Variants in P2RY2 observed in about 807,000 individuals in gnomAD.
P2RY2 encodes P2Y purinoceptor 2.
For missense variants in P2RY2, 567 were observed against 515.7 expected (o/e 1.10, Z -0.96); for synonymous variants, 241 against 231.9 (o/e 1.04, Z -0.35).
intron 1 of P2RY2, among the ~76,000 whole-genome samples, chr11:73,227,380 C>T (rs892484165): frequency 6.6e-6 from 1 of 151,778 alleles, no homozygotes; most frequent in African/African-American, 2.4e-5. Context: ...CCGTTTGCGT[C>T]CACTGCATGT....
rs1862543823 is a variant in P2RY2, at chr11:73,234,199, G to C, written c.40G>C (p.Gly14Arg). The C allele has an allele frequency of 6.2e-7, 1 of 1,613,604 alleles. No individual in the cohort carries two copies. The highest frequency in any genetic ancestry group is 2.2e-5 in the East Asian group (1 of 44,882). Reference sequence around the variant, plus strand: ...GGGCCCCTGGAATGACACCATCAATGGCACCTGGGATGGGGATGAGCTGGG... The same window carrying C: ...GGGCCCCTGGAATGACACCATCAATCGCACCTGGGATGGGGATGAGCTGGG... The part of the protein sequence containing the change: ...DLGPWNDTIN[G>R]TWDGDELGYR... Residue 14 changes from glycine to arginine, a missense_variant, in exon 3 of 3, where the codon GGC (glycine) becomes CGC (arginine). Coordinates refer to ENST00000393597, the MANE Select transcript of P2RY2 (RefSeq NM_002564.4).
At chr11:73,233,818 T>C (rs1862531419) in intron 2 of P2RY2, among the ~76,000 whole-genome samples, 2 of 152,188 alleles carry the variant, frequency 1.3e-5, no homozygotes, top group Admixed American at 1.3e-4. Context: ...AGATAGTGAA[T>C]ATTTTAGACT....
chr11:73,222,057 G>T (rs1476009588), intron 1 of P2RY2, among the ~76,000 whole-genome samples: 1 of 152,170 alleles, frequency 6.6e-6, no homozygotes, highest in African/African-American at 2.4e-5. Flanking sequence ...TGGTAGGAGG[G>T]TGAGCAGCCT....
chr11:73,220,572 G>C (rs1011854048), intron 1 of P2RY2, among the ~76,000 whole-genome samples: 1 of 152,212 alleles, frequency 6.6e-6, no homozygotes. Context: ...CCAGCTGGTT[G>C]AATGACCAGT....
rs909429130 is a variant in P2RY2 at position 73,239,203 on chromosome 11, T to C, written c.*3910T>C. ...TAGTACGTAACCACATTGGGATACA[T>C]GTTTTGAAGGAGAGGACAGTGTGTC... On this transcript the variant is annotated 3_prime_UTR_variant, in exon 3 of 3. Transcript: ENST00000393597. 6.6e-6 allele frequency: 1 copy of C among 152,188 alleles called. No individual in the cohort carries two copies. Among genetic ancestry groups the C allele is most frequent in the African/African-American group, 2.4e-5 (1 of 41,436 alleles). 9.4% of individuals were successfully genotyped at this position (152,188 alleles called of 1,614,324 possible). A position where few individuals can be genotyped will look rare whatever the true frequency, so the allele number is the denominator to read the frequency against.
chr11:73,238,635 G>C lies in P2RY2; in HGVS notation c.*3342G>C, dbSNP rs1344578398. Among the ~76,000 whole-genome samples, 1 of 152,202 alleles carries C rather than the reference G, an allele frequency of 6.6e-6. No homozygotes were observed. The highest frequency in any genetic ancestry group is 1.5e-5 in the Non-Finnish European group (1 of 68,034). On this transcript the variant is annotated 3_prime_UTR_variant, in exon 3 of 3. Transcript: ENST00000393597. Reference sequence around the variant, plus strand: ...CTCTCATCTATGTTATATGGTGGATGCTTCACAGAAGCCCTGGGAAGTAGA... The same window carrying C: ...CTCTCATCTATGTTATATGGTGGATCCTTCACAGAAGCCCTGGGAAGTAGA...
intron 1 of P2RY2, 69 bp from the exon 2 acceptor site, chr11:73,227,912 G>C (rs1222990913): frequency 2.6e-5 from 4 of 152,194 alleles, no homozygotes; most frequent in African/African-American, 9.7e-5. Context: ...GGTGGCCCTG[G>C]GGGGGATTGA....
Position 73,238,282 on chromosome 11 carries a change from A to G in P2RY2, c.*2989A>G, listed in dbSNP as rs1862701390. Among the ~76,000 whole-genome samples, 1 of 152,100 alleles carries G rather than the reference A, an allele frequency of 6.6e-6. No individual in the cohort carries two copies. On this transcript the variant is annotated 3_prime_UTR_variant, in exon 3 of 3. Transcript: ENST00000393597. ...GAGGGTAGAGAGTTGAGTGTCAGGGAGTAAATGTCTGCTGATGTGCCTGCA... is the reference window on the plus strand; with the variant it reads ...GAGGGTAGAGAGTTGAGTGTCAGGGGGTAAATGTCTGCTGATGTGCCTGCA...
At chr11:73,226,495 G>A (rs1790081) in intron 1 of P2RY2, among the ~76,000 whole-genome samples, 41,564 of 151,860 alleles carry the variant, frequency 0.27, 7,069 homozygotes, top group African/African-American at 0.48. Context: ...GGCATTTCCC[G>A]TGTGCACCCA....
In P2RY2 at chr11:73,235,875, C is replaced by T. The variant is rs1862639606; in HGVS notation, c.*582C>T. On this transcript the variant is annotated 3_prime_UTR_variant, in exon 3 of 3. Transcript: ENST00000393597. The stretch of plus-strand genomic sequence containing the variant: ...ATATCATAGACCCATCTGGAGGCTC[C>T]CATGGGCTAGGAGCCAGTGTGAGGC... The T allele has an allele frequency of 1.0e-6, 1 of 1,000,274 alleles. No homozygotes were observed. The highest frequency in any genetic ancestry group is 1.2e-6 in the Non-Finnish European group (1 of 830,128). 62.0% of individuals were successfully genotyped at this position (1,000,274 alleles called of 1,614,324 possible). A position where few individuals can be genotyped will look rare whatever the true frequency, so the allele number is the denominator to read the frequency against.
At chr11:73,222,075 G>A (rs182297865) in intron 1 of P2RY2, among the ~76,000 whole-genome samples, 7 of 152,272 alleles carry the variant, frequency 4.6e-5, no homozygotes, top group Admixed American at 3.9e-4. Flanking sequence ...CCTGGGCCCC[G>A]TGGAACAACT....
In P2RY2 at chr11:73,234,326, A is replaced by C; in HGVS notation, c.167A>C (p.Tyr56Ser). 1 of 1,613,816 alleles carries C rather than the reference A, an allele frequency of 6.2e-7. No individual in the cohort carries two copies. Residue 56 changes from tyrosine to serine, a missense_variant, in exon 3 of 3, where the codon TAC becomes TCC. Transcript: ENST00000393597. ...CTGTGTCTGAACGCCGTGGCGCTCTACATCTTCTTGTGCCGCCTCAAGACC... is the reference window on the plus strand; with the variant it reads ...CTGTGTCTGAACGCCGTGGCGCTCTCCATCTTCTTGTGCCGCCTCAAGACC... ...PGLCLNAVALYIFLCRLKTWN... is the reference protein window; with the variant it reads ...PGLCLNAVALSIFLCRLKTWN...
In P2RY2 at chr11:73,242,150, T is replaced by G. The variant is rs564680621; in HGVS notation, c.*6857T>G. 6.6e-6 allele frequency: 1 copy of G among 152,150 alleles called. No individual in the cohort carries two copies. Among genetic ancestry groups the G allele is most frequent in the African/African-American group, 2.4e-5 (1 of 41,420 alleles). 9.4% of individuals were successfully genotyped at this position (152,150 alleles called of 1,614,324 possible). The stretch of plus-strand genomic sequence containing the variant: ...CTTACCCCAGTTGTTTCCAGGTTTC[T>G]TTAGAAAGCGGGCTATTTTACCCCA... On this transcript the variant is annotated 3_prime_UTR_variant, in exon 3 of 3. Transcript: ENST00000393597.
intron 1 of P2RY2, among the ~76,000 whole-genome samples, chr11:73,225,426 A>G (rs1862250599): frequency 3.3e-5 from 5 of 152,210 alleles, no homozygotes; most frequent in Admixed American, 3.3e-4. Flanking sequence ...TTCTGGCCTT[A>G]GTTTTTCTAC....
chr11:73,230,524 C>T (rs1862421077), intron 2 of P2RY2, among the ~76,000 whole-genome samples: 1 of 152,162 alleles, frequency 6.6e-6, no homozygotes. Flanking sequence ...TCGACCCTCA[C>T]AGCAGTCCCA....
Position 73,236,103 on chromosome 11 carries a change from C to A in P2RY2, c.*810C>A. On this transcript the variant is annotated 3_prime_UTR_variant, in exon 3 of 3. Coordinates refer to ENST00000393597, the MANE Select transcript of P2RY2 (RefSeq NM_002564.4). ...CTCTCTCCAGGCCCCAGGTCATCCC[C>A]CACTGTAAAGCCAGTTGGCTTCTGT... is the stretch of plus-strand genomic sequence containing the variant. 2.0e-6 allele frequency: 2 copies of A among 999,144 alleles called. No individual in the cohort carries two copies. Among genetic ancestry groups the A allele is most frequent in the Non-Finnish European group, 1.2e-6 (1 of 828,970 alleles). The allele number at this position is 999,144 out of a possible 1,614,324, so 61.9% of individuals were successfully genotyped here.
intron 2 of P2RY2, 196 bp from the exon 3 acceptor site, chr11:73,233,960 G>A: frequency 1.5e-6 from 1 of 649,414 alleles, no homozygotes; most frequent in South Asian, 2.1e-5. Flanking sequence ...GTCTACCCCT[G>A]TTCTCAAGTT....
At chr11:73,234,110 C>T (rs373810147) in intron 2 of P2RY2, 46 bp from the exon 3 acceptor site, 409 of 1,552,804 alleles carry the variant, frequency 2.6e-4, no homozygotes, top group Non-Finnish European at 3.4e-4. Flanking sequence ...CCCCTAGGGG[C>T]GCTCCGGCCA....
rs1862680892 is a variant in P2RY2 at position 73,237,419 on chromosome 11, T to A, written c.*2126T>A. On this transcript the variant is annotated 3_prime_UTR_variant, in exon 3 of 3. Transcript: ENST00000393597. ...TGCGCCACCACACCTGGCTAATTTT[T>A]GTATTTTTAATAGAGACAGGGTTTC... Among the ~76,000 whole-genome samples, 1 of 152,090 alleles carries A rather than the reference T, an allele frequency of 6.6e-6. No individual in the cohort carries two copies.
Sources: gnomAD v4.1 joint callset for allele counts (sites outside exome capture counted in the v4.1 genomes callset) on GRCh38, gnomAD v4.1.1 for gene constraint, MANE v1.5 for transcripts, NCBI Gene and HGNC (gene_info 2026-07-23, HGNC 2026-07-21) for gene names.